The following FAF1 variants were observed in gnomAD, a reference collection of about 807,000 sequenced individuals.
FAF1 encodes FAS-associated factor 1.
FAF1 carries 25 observed loss-of-function variants against 92.5 expected under a neutral mutation model. The ratio of observed to expected loss-of-function variants is 0.27; its 90% CI spans 0.20 to 0.38. The LOEUF (loss-of-function observed/expected upper bound fraction) is 0.38, where lower values mean the gene tolerates loss of function less well. Among genes scored for constraint, FAF1 ranks in the 10% least tolerant of loss-of-function variants. FAF1 has a pLI of 1.00. For missense variants in FAF1, 636 were observed against 793.3 expected, an observed-to-expected ratio of 0.80 and a Z score of 2.38; for synonymous variants, 234 against 273.2, an observed-to-expected ratio of 0.86 and a Z score of 1.42.
At position 50,695,948 on chromosome 1, in the gene FAF1, CTTTT is replaced by C. The variant is rs767839672; in HGVS notation, c.657+9834_657+9837del. 1.5e-3 allele frequency among the ~76,000 whole-genome samples: 198 copies of C among 129,372 alleles called. 1 individual carries two copies. The highest frequency in any genetic ancestry group is 8.3e-3 in the Middle Eastern group (2 of 242). The allele number at this position is 129,372 out of a possible 152,430, so 84.9% of individuals were successfully genotyped here. A position where few individuals can be genotyped will look rare whatever the true frequency, so the allele number is the denominator to read the frequency against. On this transcript the variant is annotated intron_variant, in intron 7 of 18. Transcript: ENST00000396153. ...ACAGGCGTGAGTCACCGTGCTTGGCCTTTTTTTTTTTTTTTTTTTTTAACTACTT... is the reference window on the plus strand; with the variant it reads ...ACAGGCGTGAGTCACCGTGCTTGGCCTTTTTTTTTTTTTTTTTAACTACTT...
intron 7 of FAF1, among the ~76,000 whole-genome samples, chr1:50,664,316 C>CAAAAAACTA (rs1655524823): frequency 6.7e-6 from 1 of 149,534 alleles, no homozygotes; most frequent in East Asian, 2.0e-4. Context: ...TTTTCTGTCT[C>CAAAAAACTA]AAGCTTAAGT....
intron 15 of FAF1, among the ~76,000 whole-genome samples, chr1:50,513,125 G>A (rs748457384): frequency 2.6e-5 from 4 of 152,224 alleles, no homozygotes; most frequent in Non-Finnish European, 5.9e-5. Flanking sequence ...TGTACTAAGC[G>A]TTTCCAGGCT....
chr1:50,451,760 G>C, intron 18 of FAF1: 3 of 780,496 alleles, frequency 3.8e-6, no homozygotes, highest in Non-Finnish European at 4.7e-6. Flanking sequence ...AGCATATGGG[G>C]ACAGAAAAGC....
chr1:50,941,912 T>A (rs6698809), intron 1 of FAF1, among the ~76,000 whole-genome samples: 1 of 152,066 alleles, frequency 6.6e-6, no homozygotes, highest in Admixed American at 6.6e-5. Context: ...TTTAAAACCA[T>A]GTATTTCTTT....
chr1:50,892,666 T>G (rs1038956977), intron 1 of FAF1, among the ~76,000 whole-genome samples: 1 of 152,238 alleles, frequency 6.6e-6, no homozygotes, highest in Non-Finnish European at 1.5e-5. Context: ...CTTGAGGTAG[T>G]CTTTCAGTTG....
In FAF1 at chr1:50,583,897, T is replaced by G. The variant is rs566103641; in HGVS notation, c.968-182A>C. Among the ~76,000 whole-genome samples the G allele has an allele frequency of 6.6e-6, 1 of 152,114 alleles. No individual in the cohort carries two copies. The highest frequency in any genetic ancestry group is 1.9e-4 in the East Asian group (1 of 5,184). Reference sequence around the variant, plus strand: ...ATAGTTTAACTCAACATATATTAGATCTCATCAAACCAGAATCAAAAAGAA... The same window carrying G: ...ATAGTTTAACTCAACATATATTAGAGCTCATCAAACCAGAATCAAAAAGAA... On this transcript the variant is annotated intron_variant, in intron 10 of 18. Coordinates refer to ENST00000396153, the MANE Select transcript of FAF1 (RefSeq NM_007051.3). This position sits in a 1 kb window ranked among gnomAD's most constrained non-coding sequence, Gnocchi z 4.2.
intron 4 of FAF1, among the ~76,000 whole-genome samples, chr1:50,746,290 ATATTTTTTTTTT>A (rs1659616452): frequency 5.9e-5 from 1 of 16,832 alleles, no homozygotes; most frequent in Non-Finnish European, 8.9e-5. Context: ...ATATATATAT[ATATTTTTTTTTT>A]TTTTTTTTTT....
chr1:50,825,187 C>T (rs1644084698), intron 2 of FAF1, among the ~76,000 whole-genome samples: 1 of 152,048 alleles, frequency 6.6e-6, no homozygotes, highest in South Asian at 2.1e-4. Context: ...ACACACTGTA[C>T]ACACGTATCA....
intron 15 of FAF1, among the ~76,000 whole-genome samples, chr1:50,514,371 G>C (rs1647179970): frequency 6.6e-6 from 1 of 152,114 alleles, no homozygotes; most frequent in South Asian, 2.1e-4. Flanking sequence ...CTGCTAAATG[G>C]ATTTGTCTGT....
intron 17 of FAF1, among the ~76,000 whole-genome samples, chr1:50,477,698 C>G (rs17106235): frequency 0.13 from 19,484 of 152,188 alleles, 1,649 homozygotes; most frequent in African/African-American, 0.23. Flanking sequence ...TCAATTACAG[C>G]ATTCACTATT....
chr1:50,533,010 C>T (rs1457990588), intron 15 of FAF1, among the ~76,000 whole-genome samples: 3 of 152,068 alleles, frequency 2.0e-5, no homozygotes, highest in Non-Finnish European at 4.4e-5. Context: ...GAGATGGGGC[C>T]TTGCTATGTT....
chr1:50,829,654 T>C (rs922557309), intron 2 of FAF1, among the ~76,000 whole-genome samples: 1 of 152,228 alleles, frequency 6.6e-6, no homozygotes, highest in South Asian at 2.1e-4. Flanking sequence ...CAGAGCTTTC[T>C]GTACTTAGTG....
chr1:50,926,966 G>A (rs763255281), intron 1 of FAF1, among the ~76,000 whole-genome samples: 2 of 152,140 alleles, frequency 1.3e-5, no homozygotes, highest in Non-Finnish European at 2.9e-5. Context: ...GCTATAAAAC[G>A]GATGTAACTT....
At chr1:50,491,605 A>G in intron 16 of FAF1, 116 bp downstream of exon 16, 3 of 673,444 alleles carry the variant, frequency 4.5e-6, no homozygotes, top group South Asian at 4.0e-5. Flanking sequence ...TCTGTTAACT[A>G]AATCTAGCTT....
intron 18 of FAF1, among the ~76,000 whole-genome samples, chr1:50,471,459 T>C (rs986577721): frequency 2.6e-5 from 4 of 152,230 alleles, no homozygotes; most frequent in African/African-American, 4.8e-5. Flanking sequence ...CTCATTCTCC[T>C]GTTCCTTTAA....
At chr1:50,622,022 C>T (rs1367566935) in intron 8 of FAF1, among the ~76,000 whole-genome samples, 5 of 151,944 alleles carry the variant, frequency 3.3e-5, no homozygotes, top group South Asian at 2.1e-4. Context: ...AAAAATTAGC[C>T]GGGCATGGTG....
At chr1:50,628,500 T>C (rs1202689575) in intron 8 of FAF1, among the ~76,000 whole-genome samples, 1 of 152,246 alleles carries the variant, frequency 6.6e-6, no homozygotes, top group East Asian at 1.9e-4. Context: ...TAACTGGGGA[T>C]ATTTAATATC....
chr1:50,570,487 C>T (rs2149058584), intron 12 of FAF1, among the ~76,000 whole-genome samples: 2 of 152,032 alleles, frequency 1.3e-5, no homozygotes, highest in East Asian at 3.9e-4. Flanking sequence ...GGGACACAAA[C>T]CCCTGACACT....
At chr1:50,906,641 A>G (rs1207602078) in intron 1 of FAF1, among the ~76,000 whole-genome samples, 1 of 152,178 alleles carries the variant, frequency 6.6e-6, no homozygotes, top group Non-Finnish European at 1.5e-5. Context: ...CTTTGAAGCA[A>G]TTGTGAATGG....
Sources: gnomAD v4.1 joint callset for allele counts (sites outside exome capture counted in the v4.1 genomes callset) on GRCh38, gnomAD v4.1.1 for gene constraint, Gnocchi (gnomAD v3.1) non-coding constraint, MANE v1.5 for transcripts, NCBI Gene and HGNC (gene_info 2026-07-23, HGNC 2026-07-21) for gene names.